SLC30A8: variants seen among roughly 807,000 people sequenced by gnomAD.
SLC30A8 encodes solute carrier family 30 member 8, also known as proton-coupled zinc antiporter SLC30A8.
In SLC30A8, 27 loss-of-function variants were observed where a neutral mutation model predicts 36.9. That is an observed-to-expected ratio of 0.73 (90% CI 0.54 to 1.01). The LOEUF (loss-of-function observed/expected upper bound fraction) is 1.01, where lower values mean the gene tolerates loss of function less well. Among genes scored for constraint, SLC30A8 ranks in the 50% least tolerant of loss-of-function variants. The pLI, the probability that SLC30A8 is intolerant of heterozygous loss-of-function variation, is 0.00. For missense variants in SLC30A8, 439 were observed against 452.0 expected, an observed-to-expected ratio of 0.97 and a Z score of 0.26; for synonymous variants, 164 against 172.4, an observed-to-expected ratio of 0.95 and a Z score of 0.38.
chr8:117,107,628 AG>A (rs1296877672), intron 2 of SLC30A8, among the ~76,000 whole-genome samples: 1 of 152,164 alleles, frequency 6.6e-6, no homozygotes. Flanking sequence ...GTGATTGACA[AG>A]ATGATCCAAG....
chr8:116,994,836 C>G (rs1815762556), intron 1 of SLC30A8, among the ~76,000 whole-genome samples: 1 of 152,138 alleles, frequency 6.6e-6, no homozygotes, highest in African/African-American at 2.4e-5. Context: ...TACTTTGAGG[C>G]ATGGAGAAAT....
chr8:117,158,718 C>G (rs1004355500), intron 4 of SLC30A8, among the ~76,000 whole-genome samples: 1 of 152,144 alleles, frequency 6.6e-6, no homozygotes, highest in Non-Finnish European at 1.5e-5. Context: ...TTTTTTGAGT[C>G]AAATTTCTCC....
rs549323478 is a variant in SLC30A8, at chr8:117,150,710, A to G, written c.272-2234A>G. On this transcript the variant is annotated intron_variant, in intron 2 of 7. Coordinates refer to ENST00000456015, the MANE Select transcript of SLC30A8 (RefSeq NM_173851.3). ...AAGCTCCGCCTCCCGGGTTCACGCC[A>G]TTCTCCTGCCTCAGCCTCCCGAGTA... is the stretch of plus-strand genomic sequence containing the variant. Among the ~76,000 whole-genome samples, 4 of 151,994 alleles carry G rather than the reference A, an allele frequency of 2.6e-5. No individual in the cohort carries two copies. In the South Asian group the frequency reaches 8.3e-4, roughly 32 times the overall value.
chr8:117,043,318 A>G (rs1335669230), intron 2 of SLC30A8, among the ~76,000 whole-genome samples: 3 of 152,252 alleles, frequency 2.0e-5, no homozygotes, highest in Admixed American at 6.5e-5. Context: ...CAGAGACAGG[A>G]AATCAGCATG....
chr8:116,961,385 C>T (rs537263101), intron 1 of SLC30A8, among the ~76,000 whole-genome samples: 16 of 152,190 alleles, frequency 1.1e-4, no homozygotes, highest in South Asian at 4.2e-4. Context: ...GCCGAGATCG[C>T]GCCACTGCAC....
At chr8:116,991,027 A>T (rs919729167) in intron 1 of SLC30A8, among the ~76,000 whole-genome samples, 2 of 152,122 alleles carry the variant, frequency 1.3e-5, no homozygotes, top group Admixed American at 6.6e-5. Flanking sequence ...AAGAACATTT[A>T]TCTGGGGAGG....
intron 2 of SLC30A8, among the ~76,000 whole-genome samples, chr8:117,083,319 G>T (rs1818736820): frequency 6.6e-6 from 1 of 152,124 alleles, no homozygotes; most frequent in Admixed American, 6.5e-5. Context: ...CAGCTGAGTT[G>T]CTCTCCTGGA....
intron 2 of SLC30A8, among the ~76,000 whole-genome samples, chr8:117,085,605 C>T (rs1166505542): frequency 6.6e-6 from 1 of 152,126 alleles, no homozygotes; most frequent in Non-Finnish European, 1.5e-5. Context: ...GTATTATCAA[C>T]AGCATAATAA....
chr8:117,101,049 C>T (rs981245659), intron 2 of SLC30A8, among the ~76,000 whole-genome samples: 6 of 152,170 alleles, frequency 3.9e-5, no homozygotes, highest in East Asian at 1.9e-4. Flanking sequence ...CGATTGATGA[C>T]GAGTGAATGA....
intron 1 of SLC30A8, among the ~76,000 whole-genome samples, chr8:116,972,742 G>A (rs1814834502): frequency 6.6e-6 from 1 of 152,178 alleles, no homozygotes; most frequent in Non-Finnish European, 1.5e-5. Flanking sequence ...GCTTTCTAGA[G>A]CCAATATGCA....
At chr8:116,965,314 C>A (rs1476237004) in intron 1 of SLC30A8, among the ~76,000 whole-genome samples, 1 of 152,176 alleles carries the variant, frequency 6.6e-6, no homozygotes, top group Non-Finnish European at 1.5e-5. Context: ...AGCTAAAATA[C>A]AAACTGAAGG....
intron 2 of SLC30A8, among the ~76,000 whole-genome samples, chr8:117,098,696 A>T (rs1371135061): frequency 6.6e-6 from 1 of 152,180 alleles, no homozygotes; most frequent in Non-Finnish European, 1.5e-5. Context: ...GGGCACAAAG[A>T]AATGCCAAAT....
At chr8:117,146,830 A>G in intron 1 of SLC30A8, 124 bp from the exon 2 acceptor site, 5 of 1,467,020 alleles carry the variant, frequency 3.4e-6, no homozygotes, top group Non-Finnish European at 3.6e-6. Context: ...AGGAGCTGCA[A>G]ATGAACACTT....
At chr8:117,125,695 G>C (rs1820874216) in intron 2 of SLC30A8, among the ~76,000 whole-genome samples, 1 of 151,984 alleles carries the variant, frequency 6.6e-6, no homozygotes, top group South Asian at 2.1e-4. Context: ...TCTGTGCAAT[G>C]ACTGAGAAAA....
intron 1 of SLC30A8, 159 bp from the exon 2 acceptor site, chr8:117,146,795 C>T: frequency 1.4e-6 from 2 of 1,424,012 alleles, no homozygotes; most frequent in South Asian, 3.2e-5. Flanking sequence ...TAGCTTGTTT[C>T]TAACACTTGA....
rs769667332 is a variant in SLC30A8, at chr8:117,005,686, CA to C, written c.-265-33532del. ...AAGCAGCTATCCCATTTTACATTAC[CA>C]CATTCTTTCAAAATAGCTATTTATC... On this transcript the variant is annotated intron_variant, in intron 1 of 10. Coordinates refer to the SLC30A8 transcript ENST00000427715. 4.7e-4 allele frequency among the ~76,000 whole-genome samples: 71 copies of C among 152,304 alleles called. 1 individual carries two copies. The highest frequency in any genetic ancestry group is 2.7e-3 in the Admixed American group (41 of 15,288).
chr8:117,058,504 C>G (rs749948085), intron 2 of SLC30A8, among the ~76,000 whole-genome samples: 6 of 152,136 alleles, frequency 3.9e-5, no homozygotes, highest in African/African-American at 7.2e-5. Flanking sequence ...CCCTCATGAC[C>G]TAATCACCTT....
At chr8:116,964,249 G>A (rs1814524860) in intron 1 of SLC30A8, among the ~76,000 whole-genome samples, 2 of 152,266 alleles carry the variant, frequency 1.3e-5, no homozygotes, top group African/African-American at 4.8e-5. Flanking sequence ...GTATGAGCAC[G>A]CTGATGCTGG....
intron 2 of SLC30A8, among the ~76,000 whole-genome samples, chr8:117,071,073 T>C (rs1214450806): frequency 2.0e-5 from 3 of 152,194 alleles, no homozygotes; most frequent in Non-Finnish European, 4.4e-5. Context: ...AAAATGGAGT[T>C]ACTGGGTCAT....
Sources: allele counts gnomAD v4.1 joint callset (sites outside exome capture counted in the v4.1 genomes callset), GRCh38; gene constraint gnomAD v4.1.1; transcripts MANE v1.5; gene names NCBI Gene and HGNC (gene_info 2026-07-23, HGNC 2026-07-21).